MORN1: variants seen among roughly 807,000 people sequenced by gnomAD.
MORN1 encodes the protein MORN repeat containing 1, also known as MORN repeat-containing protein 1.
In MORN1, 67 loss-of-function variants were observed where a neutral mutation model predicts 61.9. The observed-to-expected ratio is 1.08, with a 90% confidence interval of 0.89 to 1.33. MORN1 has a LOEUF of 1.33. Among genes scored for constraint, MORN1 ranks in the 40% most tolerant of loss-of-function variants. The pLI is 0.00. For missense variants in MORN1, 752 were observed against 691.2 expected (o/e 1.09, Z -0.99); for synonymous variants, 301 against 292.0 (o/e 1.03, Z -0.31).
intron 6 of MORN1, among the ~76,000 whole-genome samples, chr1:2,382,858 G>A (rs1178907384): frequency 2.0e-5 from 3 of 152,204 alleles, no homozygotes; most frequent in East Asian, 1.9e-4. Flanking sequence ...CCCTGAGCAG[G>A]GCTGGCAGAC....
At chr1:2,354,396 C>T (rs893272782) in intron 10 of MORN1, among the ~76,000 whole-genome samples, 1 of 151,228 alleles carries the variant, frequency 6.6e-6, no homozygotes, top group Non-Finnish European at 1.5e-5. Context: ...GAGGCCCTGT[C>T]TCTACAAAAA....
intron 12 of MORN1, among the ~76,000 whole-genome samples, chr1:2,336,018 A>AC (rs1236534640): frequency 6.6e-6 from 1 of 150,434 alleles, no homozygotes; most frequent in African/African-American, 2.5e-5. Context: ...ACGGCCACAA[A>AC]CCCCCCACGG....
intron 2 of MORN1, 54 bp downstream of exon 2, chr1:2,389,871 G>A (rs1397215372): frequency 6.5e-7 from 1 of 1,550,174 alleles, no homozygotes; most frequent in Non-Finnish European, 8.9e-7. Flanking sequence ...GGAGAAACTG[G>A]TTTCGTCAGC....
At chr1:2,387,211 G>A (rs1044995033) in intron 4 of MORN1, 8 of 588,920 alleles carry the variant, frequency 1.4e-5, no homozygotes, top group Admixed American at 1.2e-4. Context: ...TGCATCAAGC[G>A]CCGCAGGACC....
At chr1:2,323,439 C>G (rs906457736) in intron 13 of MORN1, 5 of 985,294 alleles carry the variant, frequency 5.1e-6, no homozygotes, top group South Asian at 4.7e-5. Context: ...CAGAGAGGCT[C>G]CATTCTCCGT....
intron 12 of MORN1, among the ~76,000 whole-genome samples, chr1:2,327,336 A>G (rs989719510): frequency 1.5e-5 from 2 of 134,080 alleles, no homozygotes; most frequent in African/African-American, 2.6e-5. Context: ...ACACAGAAAC[A>G]CACAGACAGA....
chr1:2,344,795 C>A (rs1167776950), intron 10 of MORN1, among the ~76,000 whole-genome samples: 1 of 152,240 alleles, frequency 6.6e-6, no homozygotes, highest in Non-Finnish European at 1.5e-5. Flanking sequence ...CTGAAGCTGG[C>A]CATGGAGGAC....
chr1:2,356,795 C>T (rs971380391), intron 10 of MORN1, among the ~76,000 whole-genome samples: 2 of 152,168 alleles, frequency 1.3e-5, no homozygotes, highest in East Asian at 3.9e-4. Context: ...CTCGCTGCAC[C>T]GGAGGGATTA....
intron 12 of MORN1, among the ~76,000 whole-genome samples, chr1:2,331,442 C>T (rs755797102): frequency 3.3e-5 from 5 of 152,330 alleles, no homozygotes; most frequent in South Asian, 4.1e-4. Context: ...CCCTGGCAGG[C>T]GGATGCCGGG....
At chr1:2,367,543 C>G (rs1291905700) in intron 8 of MORN1, among the ~76,000 whole-genome samples, 1 of 152,108 alleles carries the variant, frequency 6.6e-6, no homozygotes, top group African/African-American at 2.4e-5. Flanking sequence ...AATAGATACC[C>G]ACATTCAAAG....
At chr1:2,325,199 CTTT>C (rs1056456547) in intron 12 of MORN1, among the ~76,000 whole-genome samples, 1 of 124,216 alleles carries the variant, frequency 8.1e-6, no homozygotes, top group Non-Finnish European at 1.6e-5. Context: ...TCACTTCCTT[CTTT>C]TTTTTCTTTC....
intron 6 of MORN1, among the ~76,000 whole-genome samples, chr1:2,379,435 T>C (rs1642322238): frequency 6.6e-6 from 1 of 152,236 alleles, no homozygotes; most frequent in Non-Finnish European, 1.5e-5. Context: ...TCCCAGCGCC[T>C]ACCTCGTGGC....
intron 10 of MORN1, among the ~76,000 whole-genome samples, chr1:2,339,124 C>G (rs566435747): frequency 6.6e-6 from 1 of 152,154 alleles, no homozygotes; most frequent in Non-Finnish European, 1.5e-5. Context: ...TTGGCCAAGA[C>G]GCTTTTTGTT....
intron 6 of MORN1, among the ~76,000 whole-genome samples, chr1:2,381,736 T>TG (rs1054128771): frequency 6.6e-6 from 1 of 152,074 alleles, no homozygotes. Flanking sequence ...CAGAAAGGCC[T>TG]GGGGGGCCGC....
At chr1:2,354,232 TG>T (rs1329820004) in intron 10 of MORN1, among the ~76,000 whole-genome samples, 1 of 152,148 alleles carries the variant, frequency 6.6e-6, no homozygotes, top group Non-Finnish European at 1.5e-5. Context: ...GACCGTGCTC[TG>T]GGGAAACCTG....
At chr1:2,333,941 C>T (rs1160740935) in intron 12 of MORN1, among the ~76,000 whole-genome samples, 2 of 152,166 alleles carry the variant, frequency 1.3e-5, no homozygotes, top group Non-Finnish European at 2.9e-5. Flanking sequence ...AAAGTGGGCT[C>T]TTTGGGCCCA....
chr1:2,345,428 G>A (rs571788337), intron 10 of MORN1, among the ~76,000 whole-genome samples: 6 of 152,338 alleles, frequency 3.9e-5, no homozygotes, highest in East Asian at 1.9e-4. Flanking sequence ...TCTTGCCTCC[G>A]TCCTCCTTGG....
chr1:2,385,191 G>A, intron 5 of MORN1, 126 bp from the exon 6 acceptor site: 1 of 972,486 alleles, frequency 1.0e-6, no homozygotes, highest in East Asian at 2.7e-5. Flanking sequence ...GGCCCGAGCA[G>A]ATGGCCCCAA....
At chr1:2,387,661 T>C (rs1400036557) in intron 3 of MORN1, 132 bp from the exon 4 acceptor site, 5 of 663,754 alleles carry the variant, frequency 7.5e-6, no homozygotes, top group Admixed American at 2.3e-5. Context: ...TCCATCATAC[T>C]ACTCAGTCTG....
Sources: allele counts gnomAD v4.1 joint callset (sites outside exome capture counted in the v4.1 genomes callset), GRCh38; gene constraint gnomAD v4.1.1; transcripts MANE v1.5; gene names NCBI Gene and HGNC (gene_info 2026-07-23, HGNC 2026-07-21).